Variants in CCDC13 observed in about 807,000 individuals in gnomAD.
CCDC13 encodes coiled-coil domain containing 13.
In CCDC13, 70 loss-of-function variants were observed where a neutral mutation model predicts 87.3. The ratio of observed to expected loss-of-function variants is 0.80; its 90% CI spans 0.66 to 0.98. CCDC13 has a LOEUF of 0.98. Ranked by LOEUF, CCDC13 falls within the 50% of genes least tolerant of loss-of-function variation. The pLI is 0.00. For synonymous variants in CCDC13, 317 were observed against 360.3 expected, an observed-to-expected ratio of 0.88 and a Z score of 1.36; for missense variants, 842 against 892.0, an observed-to-expected ratio of 0.94 and a Z score of 0.71.
intron 8 of CCDC13, 144 bp from the exon 9 acceptor site, chr3:42,739,954 G>A: frequency 1.4e-6 from 1 of 732,932 alleles, no homozygotes; most frequent in Non-Finnish European, 2.2e-6. Context: ...ACTAGAGCCA[G>A]GGCCCTGACT....
At chr3:42,723,243 A>C (rs1373802947) in intron 13 of CCDC13, among the ~76,000 whole-genome samples, 1 of 152,164 alleles carries the variant, frequency 6.6e-6, no homozygotes, top group East Asian at 1.9e-4. Flanking sequence ...AATGTCTTCA[A>C]GGCCAGCAAG....
rs1699380062 is a variant in CCDC13, at chr3:42,745,916, C to T, written c.825+7G>A. On this transcript the variant is annotated splice_region_variant and intron_variant, in intron 7 of 15. Transcript: ENST00000310232. ...TCAGGCCAGGAGAAGTCTGATGACTCACTCACCTTGCTCTGCAAAACAAGA... is the reference window on the plus strand; with the variant it reads ...TCAGGCCAGGAGAAGTCTGATGACTTACTCACCTTGCTCTGCAAAACAAGA... 1.2e-6 allele frequency: 2 copies of T among 1,606,832 alleles called. No individual in the cohort carries two copies. The highest frequency in any genetic ancestry group is 1.3e-5 in the African/African-American group (1 of 74,728).
At position 42,747,417 on chromosome 3, in the gene CCDC13, C is replaced by T. The variant is rs1451072609; in HGVS notation, c.604-44G>A. 2.3e-6 allele frequency: 3 copies of T among 1,304,294 alleles called. No homozygotes were observed. The African/African-American group carries it at 4.4e-5, about 19-fold the overall frequency. The allele number at this position is 1,304,294 out of a possible 1,614,324, so 80.8% of individuals were successfully genotyped here. Reference sequence around the variant, plus strand: ...AGAGAAAGTAGTCATTTATTGCCTACATGGGAATAGTAATCATAGCCCCCA... The same window carrying T: ...AGAGAAAGTAGTCATTTATTGCCTATATGGGAATAGTAATCATAGCCCCCA... On this transcript the variant is annotated intron_variant, in intron 5 of 15. Coordinates refer to ENST00000310232, the MANE Select transcript of CCDC13 (RefSeq NM_144719.4).
At chr3:42,730,693 G>A in intron 12 of CCDC13, 104 bp from the exon 13 acceptor site, 1 of 1,461,286 alleles carries the variant, frequency 6.8e-7, no homozygotes, top group Non-Finnish European at 9.3e-7. Flanking sequence ...CAGGGCGAAT[G>A]TCAGCCAGAG....
chr3:42,749,891 G>C (rs1300952910), intron 5 of CCDC13: 2 of 456,630 alleles, frequency 4.4e-6, no homozygotes, highest in Non-Finnish European at 8.8e-6. Flanking sequence ...TGGAGGCCTA[G>C]GGTTGGAATG....
At chr3:42,730,739 C>G in intron 12 of CCDC13, 150 bp from the exon 13 acceptor site, 1 of 1,036,800 alleles carries the variant, frequency 9.6e-7, no homozygotes, top group Middle Eastern at 2.2e-4. Context: ...AGGTCCTCCC[C>G]TGCTGGCTTC....
intron 9 of CCDC13, among the ~76,000 whole-genome samples, chr3:42,738,870 C>T (rs185939367): frequency 2.4e-4 from 36 of 152,306 alleles, no homozygotes; most frequent in African/African-American, 8.4e-4. Flanking sequence ...AACAATTTGA[C>T]TTCCTCATTT....
rs1196162441 is a variant in CCDC13, at chr3:42,709,174, A to C, written c.1989-35T>G. ...AGGAGACAGTGCTCAGTGTGGCTGG[A>C]GCTGCACACAGGTGTGCGTGGGTGA... On this transcript the variant is annotated intron_variant, in intron 15 of 15. Transcript: ENST00000310232. 2.5e-6 allele frequency: 4 copies of C among 1,587,810 alleles called. No homozygotes were observed. The South Asian group carries it at 4.6e-5, about 18-fold the overall frequency.
chr3:42,709,117 TCTC>T lies in CCDC13; in HGVS notation c.2008_2010del (p.Glu670del). Reference sequence around the variant, plus strand: ...CCCAGGGCAGCCTTTAGCATTTCATTCTCCTCCACCTGGATGGCCAGCCTGGAC... The same window carrying T: ...CCCAGGGCAGCCTTTAGCATTTCATTCTCCACCTGGATGGCCAGCCTGGAC... On this transcript the variant is annotated inframe_deletion, in exon 16 of 16. Coordinates refer to ENST00000310232, the MANE Select transcript of CCDC13 (RefSeq NM_144719.4). 6.2e-7 allele frequency: 1 copy of T among 1,612,446 alleles called. No homozygotes were observed. The highest frequency in any genetic ancestry group is 8.5e-7 in the Non-Finnish European group (1 of 1,179,106).
At chr3:42,721,162 T>C (rs1055131994) in intron 13 of CCDC13, among the ~76,000 whole-genome samples, 1 of 152,230 alleles carries the variant, frequency 6.6e-6, no homozygotes, top group Non-Finnish European at 1.5e-5. Flanking sequence ...TAATGTGTTA[T>C]TAATAATTAT....
intron 5 of CCDC13, among the ~76,000 whole-genome samples, chr3:42,749,219 C>G (rs1218398573): frequency 1.3e-5 from 2 of 152,204 alleles, no homozygotes; most frequent in Non-Finnish European, 2.9e-5. Context: ...CCCTGCCACG[C>G]CCCGCCCTGC....
intron 13 of CCDC13, among the ~76,000 whole-genome samples, chr3:42,725,015 AT>A (rs1446921345): frequency 1.3e-5 from 2 of 152,202 alleles, no homozygotes; most frequent in African/African-American, 4.8e-5. Context: ...ACTCTAAAAC[AT>A]GTGCAATGGC....
intron 2 of CCDC13, 27 bp downstream of exon 2, chr3:42,758,093 ACACCC>A: frequency 6.7e-7 from 1 of 1,500,444 alleles, no homozygotes; most frequent in Non-Finnish European, 9.2e-7. Flanking sequence ...ACACACACAC[ACACCC>A]CTGAGAGATT....
intron 13 of CCDC13, among the ~76,000 whole-genome samples, chr3:42,720,938 AAATTT>A (rs1163175188): frequency 6.6e-6 from 1 of 152,216 alleles, no homozygotes; most frequent in Admixed American, 6.5e-5. Flanking sequence ...AAGATTAAAT[AAATTT>A]ATCTATAAGG....
chr3:42,725,893 G>A (rs912489009), intron 13 of CCDC13, among the ~76,000 whole-genome samples: 1 of 152,026 alleles, frequency 6.6e-6, no homozygotes, highest in African/African-American at 2.4e-5. Context: ...TACTACAAGG[G>A]GAGAGCCGAC....
intron 6 of CCDC13, chr3:42,746,425 T>C (rs1044779951): frequency 5.6e-6 from 1 of 177,918 alleles, no homozygotes; most frequent in South Asian, 1.4e-4. Flanking sequence ...CTAGCCTTTG[T>C]GAAAACCCAC....
At chr3:42,759,468 C>T (rs339673) in intron 1 of CCDC13, among the ~76,000 whole-genome samples, 6,962 of 152,270 alleles carry the variant, frequency 0.046, 549 homozygotes, top group African/African-American at 0.16. Context: ...CAATCCCAAT[C>T]CCAGGCAAAC....
intron 8 of CCDC13, among the ~76,000 whole-genome samples, chr3:42,740,381 C>A (rs1229371421): frequency 6.6e-6 from 1 of 152,180 alleles, no homozygotes; most frequent in East Asian, 1.9e-4. Flanking sequence ...CTCATTCAAT[C>A]ATCCCTTCAT....
At chr3:42,713,363 G>A (rs376881127) in intron 13 of CCDC13, 47 bp from the exon 14 acceptor site, 30 of 1,601,926 alleles carry the variant, frequency 1.9e-5, no homozygotes, top group Middle Eastern at 1.7e-4. Context: ...GCAGGCAGGG[G>A]CAGGCCCTAC....
Sources: allele counts gnomAD v4.1 joint callset (sites outside exome capture counted in the v4.1 genomes callset), GRCh38; gene constraint gnomAD v4.1.1; transcripts MANE v1.5; gene names NCBI Gene and HGNC (gene_info 2026-07-23, HGNC 2026-07-21).